The following C19orf47 variants were observed in gnomAD, a reference collection of about 807,000 sequenced individuals.
C19orf47 encodes the protein chromosome 19 open reading frame 47.
C19orf47 carries 18 observed loss-of-function variants against 32.3 expected under a neutral mutation model. The ratio of observed to expected loss-of-function variants is 0.56; its 90% CI spans 0.39 to 0.83. C19orf47 has a LOEUF of 0.83. Among genes scored for constraint, C19orf47 ranks in the 40% least tolerant of loss-of-function variants. C19orf47 has a pLI of 0.00. For synonymous variants in C19orf47, 202 were observed against 211.1 expected (o/e 0.96, Z 0.37); for missense variants, 484 against 531.6 (o/e 0.91, Z 0.88).
chr19:40,322,436 G>T (rs940671954), intron 8 of C19orf47, 60 bp from the exon 9 acceptor site: 14 of 1,491,168 alleles, frequency 9.4e-6, no homozygotes, highest in Non-Finnish European at 1.2e-5. Flanking sequence ...CATTCATGGA[G>T]AGCTGCTTCC....
chr19:40,312,739 GACGACACCA>G, the C19orf47 span, among the ~76,000 whole-genome samples: 7 of 152,172 alleles, frequency 4.6e-5, no homozygotes, highest in African/African-American at 1.7e-4. Context: ...GAAGTTTTAA[GACGACACCA>G]ACCTCAGCCA....
At chr19:40,318,809 C>G (rs187989837), downstream of C19orf47, among the ~76,000 whole-genome samples, 40 of 152,234 alleles carry the variant, frequency 2.6e-4, no homozygotes, top group Middle Eastern at 3.4e-3. Context: ...CACACCCCAT[C>G]CCCAGTGCCT....
chr19:40,340,212 C>T (rs2078149720), intron 2 of C19orf47, among the ~76,000 whole-genome samples: 1 of 151,446 alleles, frequency 6.6e-6, no homozygotes, highest in African/African-American at 2.4e-5. Context: ...AATAGATCTT[C>T]CTAAACCAGA....
At chr19:40,323,307 C>T (rs886837942) in intron 8 of C19orf47, among the ~76,000 whole-genome samples, 2 of 152,254 alleles carry the variant, frequency 1.3e-5, no homozygotes, top group African/African-American at 4.8e-5. Context: ...GATCTTAACT[C>T]TACAGCCATC....
At position 40,336,145 on chromosome 19, in the gene C19orf47, C is replaced by T. The variant is rs1237558599; in HGVS notation, c.187G>A (p.Ala63Thr). ...ACCACTTTGGCATGCTTGAGAATGG[C>T]GATGATGTCACCCACCACGGTCACG... ...LGVTVVGDII[A>T]ILKHAKVVHR... Residue 63 changes from alanine to threonine, a missense_variant, in exon 4 of 9, where the codon GCC becomes ACC. By Grantham distance (58) the Ala-to-Thr change is moderately conservative (BLOSUM62 0). This residue lies in a region of C19orf47 where 57 missense variants were observed against 86.9 expected (regional missense o/e 0.66). Coordinates refer to ENST00000683109, the MANE Select transcript of C19orf47 (RefSeq NM_001256441.2). The T allele has an allele frequency of 3.1e-6, 5 of 1,614,166 alleles. No individual in the cohort carries two copies. In the South Asian group the frequency reaches 3.3e-5, roughly 11 times the overall value.
chr19:40,293,776 T>C, the C19orf47 span, among the ~76,000 whole-genome samples: 1 of 152,196 alleles, frequency 6.6e-6, no homozygotes, highest in East Asian at 1.9e-4. Context: ...TTGCTACTGT[T>C]AATCTGCCTT....
chr19:40,329,540 A>C lies in C19orf47; in HGVS notation c.302-990T>G, dbSNP rs531390214. 3.3e-5 allele frequency among the ~76,000 whole-genome samples: 5 copies of C among 152,138 alleles called. No homozygotes were observed. In the East Asian group the frequency reaches 9.7e-4, roughly 29 times the overall value. ...GGGGAAAAAGAAAGAAAACTACATT[A>C]AACCATCACAGAACATTTAATAAAA... On this transcript the variant is annotated intron_variant, in intron 5 of 8. Coordinates refer to ENST00000683109, the MANE Select transcript of C19orf47 (RefSeq NM_001256441.2).
At chr19:40,344,607 G>A (rs1477324170) in intron 1 of C19orf47, among the ~76,000 whole-genome samples, 4 of 152,158 alleles carry the variant, frequency 2.6e-5, no homozygotes, top group Non-Finnish European at 5.9e-5. Flanking sequence ...CCAGCGCCAA[G>A]CATCATGCAG....
the C19orf47 span, among the ~76,000 whole-genome samples, chr19:40,306,791 ATTT>A: frequency 7.1e-6 from 1 of 140,044 alleles, no homozygotes; most frequent in Non-Finnish European, 1.5e-5. Flanking sequence ...TGTCATTAAA[ATTT>A]TTTTTTTTTT....
chr19:40,298,922 A>C, the C19orf47 span, among the ~76,000 whole-genome samples: 1 of 12,432 alleles, frequency 8.0e-5, no homozygotes, highest in Non-Finnish European at 1.6e-4. Flanking sequence ...TGAATTTATT[A>C]TGTCTTAAAA....
chr19:40,301,579 A>T, the C19orf47 span, among the ~76,000 whole-genome samples: 1 of 151,456 alleles, frequency 6.6e-6, no homozygotes, highest in Non-Finnish European at 1.5e-5. Flanking sequence ...TGACCTCGTG[A>T]TCCACCTGCC....
intron 1 of C19orf47, among the ~76,000 whole-genome samples, chr19:40,342,820 T>C (rs2078203354): frequency 6.6e-6 from 1 of 152,098 alleles, no homozygotes; most frequent in South Asian, 2.1e-4. Context: ...TCTGGCATGC[T>C]GGAGGGAAAG....
At chr19:40,300,321 TGG>T in the C19orf47 span, among the ~76,000 whole-genome samples, 1,466 of 150,512 alleles carry the variant, frequency 9.7e-3, 20 homozygotes, top group African/African-American at 0.033. Context: ...AAAAATTAGC[TGG>T]GTGTGGTGGC....
chr19:40,309,686 CAAA>C, the C19orf47 span, among the ~76,000 whole-genome samples: 6 of 136,638 alleles, frequency 4.4e-5, no homozygotes, highest in Admixed American at 7.6e-5. Flanking sequence ...GACCTTATCT[CAAA>C]AAAAAAAAAA....
At chr19:40,294,055 G>A in the C19orf47 span, among the ~76,000 whole-genome samples, 1 of 152,128 alleles carries the variant, frequency 6.6e-6, no homozygotes, top group African/African-American at 2.4e-5. Context: ...GTGAGGCGGA[G>A]GTTGCAGTGT....
intron 2 of C19orf47, 63 bp from the exon 3 acceptor site, chr19:40,336,470 C>G: frequency 7.0e-7 from 1 of 1,422,898 alleles, no homozygotes; most frequent in Non-Finnish European, 9.7e-7. Context: ...ATTAGCAAAA[C>G]CACAATCACA....
At chr19:40,297,370 A>G in the C19orf47 span, among the ~76,000 whole-genome samples, 1 of 152,146 alleles carries the variant, frequency 6.6e-6, no homozygotes, top group African/African-American at 2.4e-5. Context: ...GTACAGGACC[A>G]GCCTGGCCAA....
chr19:40,331,758 C>T (rs1483153685), intron 5 of C19orf47, among the ~76,000 whole-genome samples: 5 of 152,128 alleles, frequency 3.3e-5, no homozygotes, highest in South Asian at 4.1e-4. Flanking sequence ...AGGTATCTGT[C>T]GGGTGCGGTG....
At chr19:40,314,087 A>C in the C19orf47 span, among the ~76,000 whole-genome samples, 1 of 152,194 alleles carries the variant, frequency 6.6e-6, no homozygotes, top group African/African-American at 2.4e-5. Context: ...GAAATATTCA[A>C]GATGAGCCTG....
Sources: allele counts gnomAD v4.1 joint callset (sites outside exome capture counted in the v4.1 genomes callset), GRCh38; gene constraint gnomAD v4.1.1; regional missense constraint gnomAD v4.1.1; transcripts MANE v1.5; gene names NCBI Gene and HGNC (gene_info 2026-07-23, HGNC 2026-07-21).